Variants in NALCN observed in about 807,000 individuals in gnomAD.
NALCN encodes the protein sodium leak channel NALCN.
In NALCN, 111 loss-of-function variants were observed where a neutral mutation model predicts 225.3. That is an observed-to-expected ratio of 0.49 (90% CI 0.42 to 0.58). The LOEUF (loss-of-function observed/expected upper bound fraction) is 0.58, where lower values mean the gene tolerates loss of function less well. NALCN is among the 20% of genes least tolerant of loss of function. The pLI is 0.00. For synonymous variants in NALCN, 764 were observed against 769.0 expected, an observed-to-expected ratio of 0.99 and a Z score of 0.11; for missense variants, 1,378 against 2,202.4, an observed-to-expected ratio of 0.63 and a Z score of 7.49.
intron 28 of NALCN, among the ~76,000 whole-genome samples, chr13:101,090,960 G>A (rs868696473): frequency 3.3e-4 from 50 of 152,210 alleles, no homozygotes; most frequent in African/African-American, 1.1e-3. Context: ...GTGGGGGCCA[G>A]GGATGTCTCA....
At chr13:101,324,770 T>C (rs1014002784) in intron 7 of NALCN, among the ~76,000 whole-genome samples, 14 of 152,284 alleles carry the variant, frequency 9.2e-5, no homozygotes, top group African/African-American at 3.4e-4. Context: ...CCTTTATTTC[T>C]TTCTCCTGCC....
chr13:101,162,233 A>G (rs2038222256), intron 15 of NALCN, among the ~76,000 whole-genome samples: 1 of 152,126 alleles, frequency 6.6e-6, no homozygotes. Flanking sequence ...GAATTATTTT[A>G]ATTACTTGAT....
chr13:101,375,924 C>T (rs559691247), intron 6 of NALCN, among the ~76,000 whole-genome samples: 15 of 152,150 alleles, frequency 9.9e-5, no homozygotes, highest in African/African-American at 3.1e-4. Context: ...TCTCTCCTGC[C>T]ATCACATCCC....
At chr13:101,083,026 T>C in intron 32 of NALCN, 66 bp downstream of exon 32, 1 of 1,561,548 alleles carries the variant, frequency 6.4e-7, no homozygotes, top group Admixed American at 1.7e-5. Context: ...TAGCAGCTTG[T>C]GATACTCTCG....
At chr13:101,364,457 A>G (rs1282244325) in intron 6 of NALCN, among the ~76,000 whole-genome samples, 2 of 152,178 alleles carry the variant, frequency 1.3e-5, no homozygotes, top group Non-Finnish European at 2.9e-5. Flanking sequence ...GGAGGTCATT[A>G]TGTTAAAAGA....
chr13:101,250,511 G>A (rs2042030459), intron 11 of NALCN, among the ~76,000 whole-genome samples: 1 of 152,006 alleles, frequency 6.6e-6, no homozygotes, highest in Non-Finnish European at 1.5e-5. Context: ...CTACAGGAGT[G>A]AGGAAAGAAT....
intron 6 of NALCN, among the ~76,000 whole-genome samples, chr13:101,352,397 T>C (rs1415871): frequency 0.97 from 148,381 of 152,216 alleles, 72,331 homozygotes; most frequent in East Asian, 1. Flanking sequence ...ATGGAATAAA[T>C]AGCATAACAT....
chr13:101,335,039 C>A (rs926290770), intron 7 of NALCN, among the ~76,000 whole-genome samples: 2 of 152,042 alleles, frequency 1.3e-5, no homozygotes, highest in African/African-American at 4.8e-5. Context: ...TTCTTGGAAT[C>A]CACTAGATAT....
At chr13:101,183,917 A>T (rs191656834) in intron 14 of NALCN, among the ~76,000 whole-genome samples, 20 of 152,290 alleles carry the variant, frequency 1.3e-4, no homozygotes, top group Admixed American at 1.1e-3. Context: ...TAGTTTGTAC[A>T]ATGCTGTAAA....
At chr13:101,238,361 CA>C (rs746510849) in intron 11 of NALCN, among the ~76,000 whole-genome samples, 1 of 151,732 alleles carries the variant, frequency 6.6e-6, no homozygotes, top group Non-Finnish European at 1.5e-5. Flanking sequence ...GTTAAAATAT[CA>C]TTTATTCCTT....
chr13:101,207,996 T>C (rs963596843), intron 13 of NALCN, among the ~76,000 whole-genome samples: 3 of 149,424 alleles, frequency 2.0e-5, no homozygotes, highest in Non-Finnish European at 4.4e-5. Context: ...GGCGCTGCCT[T>C]TATGAGCTGT....
intron 10 of NALCN, among the ~76,000 whole-genome samples, chr13:101,276,137 G>A (rs1040762425): frequency 6.8e-6 from 1 of 148,126 alleles, no homozygotes; most frequent in African/African-American, 2.5e-5. Context: ...CATCAGCAAT[G>A]CACAGAGATG....
At chr13:101,357,137 T>C (rs1204663024) in intron 6 of NALCN, among the ~76,000 whole-genome samples, 1 of 152,184 alleles carries the variant, frequency 6.6e-6, no homozygotes, top group East Asian at 1.9e-4. Flanking sequence ...AAGACAAGGA[T>C]GCCCTCTCTC....
Position 101,070,063 on chromosome 13 carries a change from G to GTTC in NALCN, c.4198-1237_4198-1236insGAA, listed in dbSNP as rs536866923. Among the ~76,000 whole-genome samples the GTTC allele has an allele frequency of 5.8e-3, 567 of 98,288 alleles. 54 individuals are homozygous for GTTC. The highest frequency in any genetic ancestry group is 0.034 in the Admixed American group (272 of 7,976). 64.5% of individuals were successfully genotyped at this position (98,288 alleles called of 152,430 possible). On this transcript the variant is annotated intron_variant, in intron 37 of 43. Coordinates refer to ENST00000251127, the MANE Select transcript of NALCN (RefSeq NM_052867.4). ...TGACCTCCTTCCATGAATCATGAAT[G>GTTC]TTTTTTTTTTTTTTTTTTTTTGAGA...
At chr13:101,159,789 T>C (rs556460894) in intron 15 of NALCN, among the ~76,000 whole-genome samples, 1 of 152,128 alleles carries the variant, frequency 6.6e-6, no homozygotes, top group Non-Finnish European at 1.5e-5. Flanking sequence ...AGACAATATA[T>C]AGGAGTTAGG....
At chr13:101,223,083 C>CA (rs2041006561) in intron 13 of NALCN, among the ~76,000 whole-genome samples, 1 of 152,112 alleles carries the variant, frequency 6.6e-6, no homozygotes, top group African/African-American at 2.4e-5. Flanking sequence ...CAAACTGATT[C>CA]ATACAAAACA....
rs561811453 is a variant in NALCN, at chr13:101,370,925, A to G, written c.644+5775T>C. Reference sequence around the variant, plus strand: ...CTTAATTCCCACCACAACCTTTATCACTAGGCAACTGCTGATTTCTTTTCT... The same window carrying G: ...CTTAATTCCCACCACAACCTTTATCGCTAGGCAACTGCTGATTTCTTTTCT... On this transcript the variant is annotated intron_variant, in intron 6 of 43. Coordinates refer to ENST00000251127, the MANE Select transcript of NALCN (RefSeq NM_052867.4). Among the ~76,000 whole-genome samples, 33 of 152,180 alleles carry G rather than the reference A, an allele frequency of 2.2e-4. 1 individual carries two copies. The South Asian group carries it at 6.8e-3, about 32-fold the overall frequency.
intron 17 of NALCN, among the ~76,000 whole-genome samples, chr13:101,141,849 A>G (rs1186257560): frequency 6.6e-6 from 1 of 152,184 alleles, no homozygotes; most frequent in Non-Finnish European, 1.5e-5. Context: ...TAAGCAAAAG[A>G]AAAAGGGCAG....
intron 7 of NALCN, among the ~76,000 whole-genome samples, chr13:101,311,754 C>T (rs940663829): frequency 6.6e-5 from 10 of 152,148 alleles, no homozygotes; most frequent in East Asian, 3.9e-4. Flanking sequence ...CTGCTGGATT[C>T]GGTTTGCCAG....
Sources: allele counts gnomAD v4.1 joint callset (sites outside exome capture counted in the v4.1 genomes callset), GRCh38; gene constraint gnomAD v4.1.1; transcripts MANE v1.5; gene names NCBI Gene and HGNC (gene_info 2026-07-23, HGNC 2026-07-21).